Variants in MTHFD1 observed in about 807,000 individuals in gnomAD.
MTHFD1 encodes the protein methylenetetrahydrofolate dehydrogenase, cyclohydrolase and formyltetrahydrofolate synthetase 1.
A neutral mutation model predicts 110.3 loss-of-function variants in MTHFD1; 44 were observed. The observed-to-expected ratio is 0.40, with a 90% confidence interval of 0.31 to 0.51. The LOEUF (loss-of-function observed/expected upper bound fraction) is 0.51, where lower values mean the gene tolerates loss of function less well. MTHFD1 is among the 20% of genes least tolerant of loss of function. The pLI is 0.60. For synonymous variants in MTHFD1, 402 were observed against 428.8 expected, an observed-to-expected ratio of 0.94 and a Z score of 0.77; for missense variants, 909 against 1,173.1, an observed-to-expected ratio of 0.77 and a Z score of 3.29.
chr14:64,412,345 T>G, intron 3 of MTHFD1, 127 bp from the exon 4 acceptor site: 1 of 752,310 alleles, frequency 1.3e-6, no homozygotes, highest in Admixed American at 1.9e-5. Flanking sequence ...AGGGACTCAT[T>G]CTTCAGAACA....
intron 9 of MTHFD1, 72 bp from the exon 10 acceptor site, chr14:64,425,658 C>G (rs1566564733): frequency 1.2e-5 from 15 of 1,246,400 alleles, no homozygotes; most frequent in Non-Finnish European, 1.7e-5. Flanking sequence ...CTGGAGTGAC[C>G]TGGAGCTTGA....
chr14:64,396,201 T>C (rs879625687), intron 1 of MTHFD1, among the ~76,000 whole-genome samples: 1 of 152,294 alleles, frequency 6.6e-6, no homozygotes, highest in South Asian at 2.1e-4. Context: ...TATACTGATA[T>C]AGCTTTTGCT....
chr14:64,431,947 A>G, intron 15 of MTHFD1, 86 bp downstream of exon 15: 2 of 1,153,162 alleles, frequency 1.7e-6, no homozygotes, highest in Non-Finnish European at 1.3e-6. Context: ...TTCTTGGAGT[A>G]GCCTATTTTA....
chr14:64,432,076 A>C (rs2078164596), intron 15 of MTHFD1, among the ~76,000 whole-genome samples: 1 of 152,202 alleles, frequency 6.6e-6, no homozygotes. Flanking sequence ...AATAAATAGA[A>C]CACTGACAAC....
At chr14:64,427,211 A>G (rs1398722922) in intron 11 of MTHFD1, 126 bp from the exon 12 acceptor site, 2 of 1,125,670 alleles carry the variant, frequency 1.8e-6, no homozygotes, top group Non-Finnish European at 2.6e-6. Flanking sequence ...ATACACTGCT[A>G]TGCCTGACTT....
chr14:64,430,585 C>T (rs45558338), intron 13 of MTHFD1, among the ~76,000 whole-genome samples: 25,049 of 152,092 alleles, frequency 0.16, 2,180 homozygotes, highest in Middle Eastern at 0.22. Context: ...CGTGAGCCAC[C>T]GCACCCAGCC....
intron 2 of MTHFD1, among the ~76,000 whole-genome samples, chr14:64,409,503 T>A (rs1352612913): frequency 6.6e-6 from 1 of 152,190 alleles, no homozygotes; most frequent in African/African-American, 2.4e-5. Context: ...ATAATACTTT[T>A]GTATTTAGAA....
In MTHFD1 at chr14:64,424,923, C is replaced by G; in HGVS notation, c.847C>G (p.Leu283Val). The G allele has an allele frequency of 6.2e-7, 1 of 1,614,186 alleles. No homozygotes were observed. Among genetic ancestry groups the G allele is most frequent in the Non-Finnish European group, 8.5e-7 (1 of 1,180,044 alleles). The change falls in exon 9 of 28, where the codon CTC (leucine) becomes GTC (valine). Residue 283 changes from leucine (L) to valine (V), a missense_variant. Coordinates refer to ENST00000652337, the MANE Select transcript of MTHFD1 (RefSeq NM_005956.4). ...CGTAGGGCCCATGACAGTTGCAATG[C>G]TCATGCAGGTAATTGTGAATAAAAG... The part of the protein sequence containing the change: ...GGVGPMTVAM[L>V]MQSTVESAKR...
intron 7 of MTHFD1, among the ~76,000 whole-genome samples, chr14:64,418,432 C>G (rs1444909536): frequency 8.6e-6 from 1 of 116,766 alleles, no homozygotes; most frequent in Non-Finnish European, 1.7e-5. Flanking sequence ...GCCTGGGCTA[C>G]AGAGCAAGAC....
At chr14:64,388,813 C>G (rs2077783607) in intron 1 of MTHFD1, 2 of 471,612 alleles carry the variant, frequency 4.2e-6, no homozygotes, top group South Asian at 4.9e-5. Context: ...CTACTTAATT[C>G]CCGTTAATTT....
chr14:64,425,502 T>C (rs1032370257), intron 9 of MTHFD1, among the ~76,000 whole-genome samples: 1 of 152,124 alleles, frequency 6.6e-6, no homozygotes, highest in Non-Finnish European at 1.5e-5. Context: ...TGAGCCACCG[T>C]GCCCGGCCTG....
intron 15 of MTHFD1, among the ~76,000 whole-genome samples, chr14:64,434,102 G>A (rs1486980019): frequency 6.6e-6 from 1 of 152,092 alleles, no homozygotes; most frequent in Non-Finnish European, 1.5e-5. Flanking sequence ...CTAGGCTTAG[G>A]GAAATCTTCT....
chr14:64,426,281 G>T, intron 11 of MTHFD1, 89 bp downstream of exon 11: 1 of 1,450,404 alleles, frequency 6.9e-7, no homozygotes. Context: ...TGTATGTAGA[G>T]GTGCCTTTAA....
intron 4 of MTHFD1, among the ~76,000 whole-genome samples, chr14:64,413,757 T>C (rs1255190365): frequency 6.6e-6 from 1 of 152,220 alleles, no homozygotes; most frequent in African/African-American, 2.4e-5. Flanking sequence ...CTGCTCTACA[T>C]CTTGATTTGG....
At chr14:64,390,667 A>G (rs1237701470) in intron 1 of MTHFD1, among the ~76,000 whole-genome samples, 4 of 149,990 alleles carry the variant, frequency 2.7e-5, no homozygotes. Context: ...TGTTTGTTTG[A>G]GACAGAGTTT....
At chr14:64,450,839 G>A (rs1173769121) in intron 24 of MTHFD1, among the ~76,000 whole-genome samples, 1 of 151,808 alleles carries the variant, frequency 6.6e-6, no homozygotes, top group East Asian at 1.9e-4. Context: ...CCCTGAGTAG[G>A]TGGGACCACA....
chr14:64,442,157 G>T lies in MTHFD1; in HGVS notation c.1988G>T (p.Gly663Val), dbSNP rs747317694. 1 of 1,614,056 alleles carries T rather than the reference G, an allele frequency of 6.2e-7. No homozygotes were observed. Among genetic ancestry groups the T allele is most frequent in the South Asian group, 1.1e-5 (1 of 91,082 alleles). Residue 663 changes from glycine (G) to valine (V), a missense_variant, in exon 20 of 28, where the codon GGG becomes GTG. Gly to Val is a moderately radical substitution (Grantham distance 109). This residue lies in a region of MTHFD1 where 482 missense variants were observed against 646.0 expected (regional missense o/e 0.75). Coordinates refer to ENST00000652337, the MANE Select transcript of MTHFD1 (RefSeq NM_005956.4). ...GCACTCAAGCTTGTTGGCCCAGAAGGGTTTGTAGGTTAGTGTTTTTTGCAA... is the reference window on the plus strand; with the variant it reads ...GCACTCAAGCTTGTTGGCCCAGAAGTGTTTGTAGGTTAGTGTTTTTTGCAA... ...RIALKLVGPE[G>V]FVVTEAGFGA...
At chr14:64,419,978 GGTC>G in intron 8 of MTHFD1, 53 bp downstream of exon 8, 1 of 1,267,396 alleles carries the variant, frequency 7.9e-7, no homozygotes, top group Non-Finnish European at 1.2e-6. Flanking sequence ...ATGGTATCTA[GGTC>G]ATCAAAAGAA....
At chr14:64,402,826 A>C (rs1285241890) in intron 2 of MTHFD1, among the ~76,000 whole-genome samples, 1 of 152,030 alleles carries the variant, frequency 6.6e-6, no homozygotes, top group African/African-American at 2.4e-5. Flanking sequence ...TAAAAATAAA[A>C]ATAAAAAAGC....
Sources: allele counts gnomAD v4.1 joint callset (sites outside exome capture counted in the v4.1 genomes callset), GRCh38; gene constraint gnomAD v4.1.1; regional missense constraint gnomAD v4.1.1; transcripts MANE v1.5; gene names NCBI Gene and HGNC (gene_info 2026-07-23, HGNC 2026-07-21).